Variants in LAMA2 observed in about 807,000 individuals in gnomAD.
LAMA2 encodes the protein laminin subunit alpha-2.
LAMA2 carries 269 observed loss-of-function variants against 364.8 expected under a neutral mutation model. The observed-to-expected ratio is 0.74, with a 90% CI of 0.67 to 0.82. The LOEUF (loss-of-function observed/expected upper bound fraction) is 0.82, where lower values mean the gene tolerates loss of function less well. Among genes scored for constraint, LAMA2 ranks in the 40% least tolerant of loss-of-function variants. LAMA2 has a pLI of 0.00. For missense variants in LAMA2, 3,807 were observed against 3,873.2 expected, an observed-to-expected ratio of 0.98 and a Z score of 0.45; for synonymous variants, 1,379 against 1,370.6, an observed-to-expected ratio of 1.01 and a Z score of -0.14.
chr6:129,224,831 G>A (rs1380086579), intron 12 of LAMA2, among the ~76,000 whole-genome samples: 155 of 152,284 alleles, frequency 1.0e-3, no homozygotes, highest in African/African-American at 3.4e-3. Context: ...TTTGTATCAG[G>A]AGGATGCTGG....
chr6:128,964,403 T>G (rs2114603121), intron 1 of LAMA2, among the ~76,000 whole-genome samples: 1 of 152,174 alleles, frequency 6.6e-6, no homozygotes, highest in Middle Eastern at 3.4e-3. Flanking sequence ...GAATATGTTG[T>G]CAAATACAAT....
At chr6:129,171,076 A>T (rs9482995) in intron 9 of LAMA2, among the ~76,000 whole-genome samples, 1 of 151,902 alleles carries the variant, frequency 6.6e-6, no homozygotes, top group East Asian at 1.9e-4. Flanking sequence ...GTCTCTGCAC[A>T]TGAGATGGGT....
At chr6:128,950,976 T>C (rs570968029) in intron 1 of LAMA2, among the ~76,000 whole-genome samples, 6 of 152,176 alleles carry the variant, frequency 3.9e-5, no homozygotes, top group African/African-American at 1.4e-4. Flanking sequence ...AAAAATATCA[T>C]GTATTTCAAT....
At chr6:129,134,496 A>G (rs1228667914) in intron 4 of LAMA2, among the ~76,000 whole-genome samples, 2 of 152,142 alleles carry the variant, frequency 1.3e-5, no homozygotes, top group African/African-American at 4.8e-5. Flanking sequence ...GCAGTCCCCA[A>G]CCTTTTTGGT....
chr6:129,026,331 TTAAAA>T (rs1209424507), intron 1 of LAMA2, among the ~76,000 whole-genome samples: 1 of 152,176 alleles, frequency 6.6e-6, no homozygotes, highest in Non-Finnish European at 1.5e-5. Context: ...AACATTTTAA[TTAAAA>T]TAAATATATT....
chr6:129,274,430 G>T (rs909152094), intron 17 of LAMA2, among the ~76,000 whole-genome samples: 1 of 150,568 alleles, frequency 6.6e-6, no homozygotes. Flanking sequence ...AAAAAAAAAA[G>T]GGAGCTAAAG....
intron 27 of LAMA2, among the ~76,000 whole-genome samples, chr6:129,318,493 T>G (rs1256254516): frequency 6.6e-6 from 1 of 152,106 alleles, no homozygotes; most frequent in Non-Finnish European, 1.5e-5. Context: ...CACTTGCGGG[T>G]CTGTTATGTG....
intron 20 of LAMA2, among the ~76,000 whole-genome samples, chr6:129,296,664 AT>A (rs3839404): frequency 2.0e-5 from 3 of 151,468 alleles, no homozygotes; most frequent in Non-Finnish European, 3.0e-5. Context: ...AAGTGGCAAG[AT>A]TTTTTTTTAC....
intron 41 of LAMA2, among the ~76,000 whole-genome samples, chr6:129,436,176 G>A (rs766559394): frequency 1.3e-5 from 2 of 152,164 alleles, no homozygotes; most frequent in Non-Finnish European, 2.9e-5. Context: ...GGTATAAAAT[G>A]AGAAGTTTTA....
At chr6:129,191,924 A>C (rs1344501714) in intron 11 of LAMA2, among the ~76,000 whole-genome samples, 4 of 152,204 alleles carry the variant, frequency 2.6e-5, no homozygotes, top group Admixed American at 2.6e-4. Context: ...GTGTAGCTGT[A>C]GGCCTGACCT....
rs1253813347 is a variant in LAMA2, at chr6:128,928,955, G to T, written c.112+45598G>T. The T allele has an allele frequency of 4.3e-6, 4 of 927,268 alleles. No individual in the cohort carries two copies. In the East Asian group the frequency reaches 9.6e-5, roughly 22 times the overall value. The allele number at this position is 927,268 out of a possible 1,614,324, so 57.4% of individuals were successfully genotyped here. A position where few individuals can be genotyped will look rare whatever the true frequency, so the allele number is the denominator to read the frequency against. On this transcript the variant is annotated intron_variant, in intron 1 of 64. Transcript: ENST00000421865. ...CACAACAGATAAGGGAGTAGAGGAG[G>T]TAATACAGGGAAGCTACTCATTCCA...
intron 1 of LAMA2, among the ~76,000 whole-genome samples, chr6:129,042,693 A>C (rs1335430157): frequency 6.6e-6 from 1 of 152,192 alleles, no homozygotes; most frequent in African/African-American, 2.4e-5. Context: ...TCCCAAAGGC[A>C]ACCATTTTTC....
intron 4 of LAMA2, among the ~76,000 whole-genome samples, chr6:129,120,000 A>G (rs948231245): frequency 6.6e-6 from 1 of 152,200 alleles, no homozygotes; most frequent in Non-Finnish European, 1.5e-5. Flanking sequence ...AATTTAAGAA[A>G]CTTGAAAATA....
chr6:129,095,219 G>T (rs1201340917), intron 3 of LAMA2, among the ~76,000 whole-genome samples: 1 of 152,126 alleles, frequency 6.6e-6, no homozygotes, highest in Non-Finnish European at 1.5e-5. Context: ...AGTTTGCCAT[G>T]AAATATCTCA....
chr6:129,166,263 T>C (rs539679177), intron 9 of LAMA2, among the ~76,000 whole-genome samples: 10 of 152,304 alleles, frequency 6.6e-5, no homozygotes, highest in Admixed American at 2.0e-4. Flanking sequence ...AGAAATCAAA[T>C]GCCAACATAA....
intron 37 of LAMA2, among the ~76,000 whole-genome samples, chr6:129,395,278 A>G (rs1412308871): frequency 1.3e-5 from 2 of 152,252 alleles, no homozygotes; most frequent in Non-Finnish European, 2.9e-5. Flanking sequence ...TGTGTCCACA[A>G]TGAAGGTAAC....
chr6:129,149,904 C>T (rs1279856398), intron 7 of LAMA2, among the ~76,000 whole-genome samples: 2 of 152,090 alleles, frequency 1.3e-5, no homozygotes, highest in African/African-American at 2.4e-5. Context: ...TGTGCATAGG[C>T]TGTATGCAAG....
chr6:129,481,408 C>T lies in LAMA2; in HGVS notation c.7718C>T (p.Pro2573Leu), dbSNP rs1355594265. The T allele has an allele frequency of 3.1e-6, 5 of 1,613,776 alleles. No homozygotes were observed. The highest frequency in any genetic ancestry group is 4.2e-6 in the Non-Finnish European group (5 of 1,179,858). Residue 2573 changes from proline (P) to leucine (L), a missense_variant, in exon 55 of 65, where the codon CCA becomes CTA. Around this residue, in one of 3 missense-constraint regions of LAMA2, gnomAD observed 3,333 missense variants for 3,345.7 expected, o/e 1.00. Coordinates refer to ENST00000421865, the MANE Select transcript of LAMA2 (RefSeq NM_000426.4). ...ILLGSGGTPA[P>L]PRRKRRQTGQ... Reference sequence around the variant, plus strand: ...TTGGGAAGTGGAGGGACACCAGCACCACCTAGGAGAAAACGAAGGCAGACT... The same window carrying T: ...TTGGGAAGTGGAGGGACACCAGCACTACCTAGGAGAAAACGAAGGCAGACT...
rs972242971 is a variant in LAMA2, at chr6:129,267,118, A to G, written c.2221A>G (p.Arg741Gly). Residue 741 changes from arginine (R) to glycine (G), a missense_variant, in exon 16 of 65, where the codon AGG becomes GGG. By Grantham distance (125) the Arg-to-Gly change is moderately radical. This residue lies in a region of LAMA2 where 3,333 missense variants were observed against 3,345.7 expected (regional missense o/e 1.00). Coordinates refer to ENST00000421865, the MANE Select transcript of LAMA2 (RefSeq NM_000426.4). ...ATCTTTCTCTCAGTCTTGTTGGCCT[A>G]GGCACAGGCGAGTTAACGGCACTAT... The part of the protein sequence containing the change: ...TGSSCESCWP[R>G]HRRVNGTIFG... The G allele has an allele frequency of 6.2e-7, 1 of 1,609,902 alleles. No individual in the cohort carries two copies. The highest frequency in any genetic ancestry group is 8.5e-7 in the Non-Finnish European group (1 of 1,176,326).
Sources: allele counts gnomAD v4.1 joint callset (sites outside exome capture counted in the v4.1 genomes callset), GRCh38; gene constraint gnomAD v4.1.1; regional missense constraint gnomAD v4.1.1; transcripts MANE v1.5; gene names NCBI Gene and HGNC (gene_info 2026-07-23, HGNC 2026-07-21).